Variants in MFSD6 observed in about 807,000 individuals in gnomAD.
MFSD6 encodes the protein major facilitator superfamily domain-containing protein 6.
MFSD6 carries 26 observed loss-of-function variants against 56.3 expected under a neutral mutation model. The observed-to-expected ratio is 0.46, with a 90% CI of 0.34 to 0.64. The LOEUF is 0.64. Among genes scored for constraint, MFSD6 ranks in the 30% least tolerant of loss-of-function variants. MFSD6 has a pLI of 0.01. For synonymous variants in MFSD6, 331 were observed against 366.9 expected (o/e 0.90, Z 1.12); for missense variants, 750 against 986.2 (o/e 0.76, Z 3.21).
In MFSD6 at chr2:190,488,884, T is replaced by C; in HGVS notation, c.1792+66T>C. The C allele has an allele frequency of 7.2e-7, 1 of 1,383,788 alleles. No individual in the cohort carries two copies. The allele number at this position is 1,383,788 out of a possible 1,614,324, so 85.7% of individuals were successfully genotyped here. On this transcript the variant is annotated intron_variant, in intron 5 of 7. Transcript: ENST00000392328. The surrounding 1 kb of genome is among the most constrained non-coding windows in gnomAD (Gnocchi z 6.4). Reference sequence around the variant, plus strand: ...AAACATGATTTTTTCCAGCAATACCTCAATAAACAATCCAATTATTACTGA... The same window carrying C: ...AAACATGATTTTTTCCAGCAATACCCCAATAAACAATCCAATTATTACTGA...
At chr2:190,427,198 A>G (rs949335834) in intron 2 of MFSD6, among the ~76,000 whole-genome samples, 3 of 152,160 alleles carry the variant, frequency 2.0e-5, no homozygotes, top group African/African-American at 7.2e-5. Context: ...CTTCCCATGT[A>G]ATCTCCACTG....
rs1251441492 is a variant in MFSD6, at chr2:190,436,305, T to C, written c.276T>C (p.Tyr92=). The C allele has an allele frequency of 6.2e-7, 1 of 1,614,212 alleles. No individual in the cohort carries two copies. The highest frequency in any genetic ancestry group is 8.5e-7 in the Non-Finnish European group (1 of 1,180,020). The change falls in exon 3 of 8, where the codon TAT becomes TAC. Residue 92 remains tyrosine (Y), a synonymous_variant. Transcript: ENST00000392328. This position sits in a 1 kb window ranked among gnomAD's most constrained non-coding sequence, Gnocchi z 5.3. ...CTCTCTATCCCCTTTTGCCTGTGTA[T>C]TACAAACAGCTGGGAATGTCTCCAA... is the stretch of plus-strand genomic sequence containing the variant. ...YGSLYPLLPV[Y]YKQLGMSPSQ... is the part of the protein sequence containing the mutation.
At chr2:190,468,862 A>G (rs933368107) in intron 3 of MFSD6, among the ~76,000 whole-genome samples, 1 of 152,136 alleles carries the variant, frequency 6.6e-6, no homozygotes, top group Non-Finnish European at 1.5e-5. Flanking sequence ...GATTCAGAAA[A>G]CAGAGCATTA....
chr2:190,417,996 G>GTGTGTGTGTGTA lies in MFSD6; in HGVS notation c.-54+2588_-54+2589insGTGTGTATGTGT, dbSNP rs1177419131. ...TGTGTGTGTGTGTGTGTGTGTGTGT[G>GTGTGTGTGTGTA]TGTGTATGTGAGAGAGAGAGAGATG... On this transcript the variant is annotated intron_variant, in intron 2 of 7. Coordinates refer to ENST00000392328, the MANE Select transcript of MFSD6 (RefSeq NM_017694.4). This position sits in a 1 kb window ranked among gnomAD's most constrained non-coding sequence, Gnocchi z 5.7. 6.6e-6 allele frequency among the ~76,000 whole-genome samples: 1 copy of GTGTGTGTGTGTA among 150,428 alleles called. No individual in the cohort carries two copies. Among genetic ancestry groups the GTGTGTGTGTGTA allele is most frequent in the African/African-American group, 2.5e-5 (1 of 40,646 alleles).
rs1395298168 is a variant in MFSD6 at position 190,439,147 on chromosome 2, T to A, written c.1532+1586T>A. ...AGCTGTTTAAATTGACCGAGATGAATCAGATGCCTCCCTTCAGCTTGGGCA... is the reference window on the plus strand; with the variant it reads ...AGCTGTTTAAATTGACCGAGATGAAACAGATGCCTCCCTTCAGCTTGGGCA... On this transcript the variant is annotated intron_variant, in intron 3 of 7. Coordinates refer to ENST00000392328, the MANE Select transcript of MFSD6 (RefSeq NM_017694.4). This position sits in a 1 kb window ranked among gnomAD's most constrained non-coding sequence, Gnocchi z 5.8. Among the ~76,000 whole-genome samples the A allele has an allele frequency of 1.3e-5, 2 of 151,856 alleles. No homozygotes were observed. Among genetic ancestry groups the A allele is most frequent in the African/African-American group, 4.8e-5 (2 of 41,356 alleles).
Position 190,496,144 on chromosome 2 carries a change from A to G in MFSD6, c.1892-1295A>G, listed in dbSNP as rs937654536. Among the ~76,000 whole-genome samples, 3 of 144,436 alleles carry G rather than the reference A, an allele frequency of 2.1e-5. No homozygotes were observed. The highest frequency in any genetic ancestry group is 8.0e-5 in the African/African-American group (3 of 37,460). 94.8% of individuals were successfully genotyped at this position (144,436 alleles called of 152,430 possible). On this transcript the variant is annotated intron_variant, in intron 6 of 7. Coordinates refer to ENST00000392328, the MANE Select transcript of MFSD6 (RefSeq NM_017694.4). This position sits in a 1 kb window ranked among gnomAD's most constrained non-coding sequence, Gnocchi z 4.7. ...TGACGAACTCAAACAAATTAGCAAG[A>G]AAAAAAAAAACACCAAAGAGTGGAC...
At chr2:190,441,009 G>A (rs532762219) in intron 3 of MFSD6, among the ~76,000 whole-genome samples, 1 of 152,294 alleles carries the variant, frequency 6.6e-6, no homozygotes, top group South Asian at 2.1e-4. Context: ...AGGAATAGCA[G>A]TAAGTATTAT....
At chr2:190,435,956 C>A in intron 2 of MFSD6, 21 bp from the exon 3 acceptor site, 1 of 1,506,878 alleles carries the variant, frequency 6.6e-7, no homozygotes, top group South Asian at 1.4e-5. Context: ...ACTAAGCCAT[C>A]TTTTAAATTT....
chr2:190,407,666 C>T (rs562272398), upstream of MFSD6, among the ~76,000 whole-genome samples: 6 of 152,228 alleles, frequency 3.9e-5, no homozygotes, highest in Middle Eastern at 3.4e-3. The surrounding 1 kb of genome is among the most constrained non-coding windows in gnomAD (Gnocchi z 5.4). Context: ...ATTCTTAGTG[C>T]GACACACACG....
rs1021918430 is a variant in MFSD6 at position 190,490,176 on chromosome 2, G to A, written c.1891+310G>A. Among the ~76,000 whole-genome samples, 16 of 151,764 alleles carry A rather than the reference G, an allele frequency of 1.1e-4. No homozygotes were observed. The highest frequency in any genetic ancestry group is 3.4e-4 in the African/African-American group (14 of 41,274). On this transcript the variant is annotated intron_variant, in intron 6 of 7. Coordinates refer to ENST00000392328, the MANE Select transcript of MFSD6 (RefSeq NM_017694.4). The surrounding 1 kb of genome is among the most constrained non-coding windows in gnomAD (Gnocchi z 4.5). ...TATTCTAAAGGTTTTTCAAATTTAAGTCAAATACATATAAGGCTATACAGT... is the reference window on the plus strand; with the variant it reads ...TATTCTAAAGGTTTTTCAAATTTAAATCAAATACATATAAGGCTATACAGT...
intron 4 of MFSD6, among the ~76,000 whole-genome samples, chr2:190,480,853 CA>C (rs1405718927): frequency 6.6e-6 from 1 of 151,974 alleles, no homozygotes; most frequent in East Asian, 1.9e-4. Flanking sequence ...TGTTAGAAAA[CA>C]TACAATACAA....
At chr2:190,420,354 TAGAG>T (rs1262111932) in intron 2 of MFSD6, among the ~76,000 whole-genome samples, 1 of 151,796 alleles carries the variant, frequency 6.6e-6, no homozygotes, top group Admixed American at 6.6e-5. Flanking sequence ...GCTATGTGGA[TAGAG>T]AGAGAGTTGC....
chr2:190,438,178 CTT>C lies in MFSD6; in HGVS notation c.1532+618_1532+619del, dbSNP rs1686241745. On this transcript the variant is annotated intron_variant, in intron 3 of 7. Coordinates refer to ENST00000392328, the MANE Select transcript of MFSD6 (RefSeq NM_017694.4). This position sits in a 1 kb window ranked among gnomAD's most constrained non-coding sequence, Gnocchi z 5.2. Reference sequence around the variant, plus strand: ...AGACATAGGATATTTGAAAATCTTTCTTCCACCTAAAATTTCCCATGTAATTC... The same window carrying C: ...AGACATAGGATATTTGAAAATCTTTCCCACCTAAAATTTCCCATGTAATTC... Among the ~76,000 whole-genome samples the C allele has an allele frequency of 1.3e-5, 2 of 149,560 alleles. No homozygotes were observed. Among genetic ancestry groups the C allele is most frequent in the Non-Finnish European group, 3.0e-5 (2 of 67,672 alleles).
chr2:190,492,406 G>A lies in MFSD6; in HGVS notation c.1891+2540G>A, dbSNP rs1689410515. Among the ~76,000 whole-genome samples, 1 of 152,178 alleles carries A rather than the reference G, an allele frequency of 6.6e-6. No individual in the cohort carries two copies. The highest frequency in any genetic ancestry group is 2.4e-5 in the African/African-American group (1 of 41,440). On this transcript the variant is annotated intron_variant, in intron 6 of 7. Coordinates refer to ENST00000392328, the MANE Select transcript of MFSD6 (RefSeq NM_017694.4). The surrounding 1 kb of genome is among the most constrained non-coding windows in gnomAD (Gnocchi z 5.2). ...TAAGAGCTGTGAGGCAAAAGCACCA[G>A]ATAACCTATAAAGGAAAACCTCTCA...
Position 190,465,025 on chromosome 2 carries a change from A to G in MFSD6, c.1533-4733A>G, listed in dbSNP as rs1456524767. On this transcript the variant is annotated intron_variant, in intron 3 of 7. Coordinates refer to ENST00000392328, the MANE Select transcript of MFSD6 (RefSeq NM_017694.4). The surrounding 1 kb of genome is among the most constrained non-coding windows in gnomAD (Gnocchi z 4.6). ...GAATGACTCATAATTCATTGTATCT[A>G]TATCTTGAACACTCTTGAAAAAAAT... 5 of 584,168 alleles carry G rather than the reference A, an allele frequency of 8.6e-6. No homozygotes were observed. The highest frequency in any genetic ancestry group is 1.1e-5 in the Non-Finnish European group (5 of 462,232). 36.2% of individuals were successfully genotyped at this position (584,168 alleles called of 1,614,324 possible). A position where few individuals can be genotyped will look rare whatever the true frequency, so the allele number is the denominator to read the frequency against.
chr2:190,450,095 T>G (rs1448245344), intron 3 of MFSD6, among the ~76,000 whole-genome samples: 1 of 152,194 alleles, frequency 6.6e-6, no homozygotes, highest in Non-Finnish European at 1.5e-5. Context: ...TCATAAAGTT[T>G]ATTACTGGCA....
Position 190,488,749 on chromosome 2 carries a change from C to T in MFSD6, c.1723C>T (p.Gln575Ter), listed in dbSNP as rs1391427933. ...ELRTSAQGILQGLHLGLGRGC... is the reference protein window; with the variant it reads ...ELRTSAQGIL The stretch of plus-strand genomic sequence containing the variant: ...GAGGACATCTGCTCAGGGCATCCTG[C>T]AGGGCCTTCACCTGGGTTTGGGAAG... Residue 575 changes from glutamine to a stop codon, truncating the protein, a stop_gained, in exon 5 of 8, where the codon CAG becomes TAG. Transcript: ENST00000392328. LOFTEE classifies it high-confidence loss of function. The surrounding 1 kb of genome is among the most constrained non-coding windows in gnomAD (Gnocchi z 6.4). 1 of 1,610,514 alleles carries T rather than the reference C, an allele frequency of 6.2e-7. No individual in the cohort carries two copies. The highest frequency in any genetic ancestry group is 8.5e-7 in the Non-Finnish European group (1 of 1,178,476).
chr2:190,485,048 T>C lies in MFSD6; in HGVS notation c.1631-3609T>C, dbSNP rs1688933704. 6.6e-6 allele frequency among the ~76,000 whole-genome samples: 1 copy of C among 152,214 alleles called. No individual in the cohort carries two copies. Among genetic ancestry groups the C allele is most frequent in the Non-Finnish European group, 1.5e-5 (1 of 68,026 alleles). ...AGAAGTCTAACTGTGGAGAATCTTT[T>C]ACAACTACCACTTAATACTAGTCAG... On this transcript the variant is annotated intron_variant, in intron 4 of 7. Transcript: ENST00000392328. This position sits in a 1 kb window ranked among gnomAD's most constrained non-coding sequence, Gnocchi z 5.1.
At position 190,496,154 on chromosome 2, in the gene MFSD6, A is replaced by C. The variant is rs1458867158; in HGVS notation, c.1892-1285A>C. 1.3e-5 allele frequency among the ~76,000 whole-genome samples: 2 copies of C among 151,628 alleles called. No individual in the cohort carries two copies. The highest frequency in any genetic ancestry group is 2.4e-5 in the African/African-American group (1 of 41,264). On this transcript the variant is annotated intron_variant, in intron 6 of 7. Transcript: ENST00000392328. The surrounding 1 kb of genome is among the most constrained non-coding windows in gnomAD (Gnocchi z 4.7). ...AAACAAATTAGCAAGAAAAAAAAAA[A>C]CACCAAAGAGTGGACTAAGGACATG...
Sources: gnomAD v4.1 joint callset for allele counts (sites outside exome capture counted in the v4.1 genomes callset) on GRCh38, gnomAD v4.1.1 for gene constraint, Gnocchi (gnomAD v3.1) non-coding constraint, MANE v1.5 for transcripts, NCBI Gene and HGNC (gene_info 2026-07-23, HGNC 2026-07-21) for gene names.